Variants in STXBP5 observed in about 807,000 individuals in gnomAD.
STXBP5 encodes the protein syntaxin binding protein 5.
In STXBP5, 50 loss-of-function variants were observed where a neutral mutation model predicts 152.4. The observed-to-expected ratio is 0.33, with a 90% CI of 0.26 to 0.42. STXBP5 has a LOEUF of 0.42. Ranked by LOEUF, STXBP5 falls within the 10% of genes least tolerant of loss-of-function variation. The pLI, the probability that STXBP5 is intolerant of heterozygous loss-of-function variation, is 1.00. For synonymous variants in STXBP5, 492 were observed against 494.7 expected, an observed-to-expected ratio of 0.99 and a Z score of 0.07; for missense variants, 1,167 against 1,388.6, an observed-to-expected ratio of 0.84 and a Z score of 2.54.
At position 147,325,004 on chromosome 6, in the gene STXBP5, A is replaced by G; in HGVS notation, c.1848A>G (p.Glu616=). ...PLKQSPGYQT[E]LVIQLVWVGG... is the part of the protein sequence containing the mutation. ...AACAGTCTCCAGGTTATCAAACAGA[A>G]CTAGTTATTCAGTTGGTTTGGGTGG... The change falls in exon 17 of 28, where the codon GAA becomes GAG. Residue 616 remains glutamate, a synonymous_variant. Transcript: ENST00000321680. 1 of 1,599,240 alleles carries G rather than the reference A, an allele frequency of 6.3e-7. No homozygotes were observed. Among genetic ancestry groups the G allele is most frequent in the Non-Finnish European group, 8.5e-7 (1 of 1,171,016 alleles).
rs144038557 is a variant in STXBP5, at chr6:147,335,445, A to G, written c.2146+1223A>G. Among the ~76,000 whole-genome samples, 235 of 152,322 alleles carry G rather than the reference A, an allele frequency of 1.5e-3. 1 individual carries two copies. Among genetic ancestry groups the G allele is most frequent in the African/African-American group, 5.3e-3 (221 of 41,584 alleles). On this transcript the variant is annotated intron_variant, in intron 19 of 27. Coordinates refer to ENST00000321680, the MANE Select transcript of STXBP5 (RefSeq NM_001127715.4). ...TTAAGGATATAAGCCAGGGTGAACA[A>G]TTTGGACATGGAACATGTGATATAT...
At chr6:147,270,416 A>AT in intron 7 of STXBP5, among the ~76,000 whole-genome samples, 1 of 151,290 alleles carries the variant, frequency 6.6e-6, no homozygotes, top group East Asian at 1.9e-4. Flanking sequence ...AAAAAAAAAA[A>AT]TTACAGCAAA....
chr6:147,283,810 C>A (rs1165774510), intron 8 of STXBP5, among the ~76,000 whole-genome samples: 1 of 152,114 alleles, frequency 6.6e-6, no homozygotes, highest in Non-Finnish European at 1.5e-5. Flanking sequence ...TTCAGGGGTC[C>A]AAGTCCAGCC....
At chr6:147,231,653 A>T (rs1198853318) in intron 2 of STXBP5, among the ~76,000 whole-genome samples, 1 of 151,920 alleles carries the variant, frequency 6.6e-6, no homozygotes, top group Non-Finnish European at 1.5e-5. Context: ...TTAGAATAGT[A>T]AGTGAATATT....
At chr6:147,276,865 T>G (rs1178252869) in intron 7 of STXBP5, among the ~76,000 whole-genome samples, 1 of 152,136 alleles carries the variant, frequency 6.6e-6, no homozygotes, top group Non-Finnish European at 1.5e-5. Flanking sequence ...ACGTAATAAG[T>G]AAAGGAGCTC....
intron 2 of STXBP5, among the ~76,000 whole-genome samples, chr6:147,218,151 A>C (rs1026456624): frequency 7.2e-5 from 11 of 152,206 alleles, no homozygotes; most frequent in African/African-American, 2.7e-4. Context: ...AGCCTCCTCC[A>C]TTATCAGCAG....
Position 147,353,354 on chromosome 6 carries a change from T to C in STXBP5, c.2286T>C (p.Thr762=). The change falls in exon 22 of 28, where the codon ACT becomes ACC. Residue 762 remains threonine, a synonymous_variant. Transcript: ENST00000321680. The part of the protein sequence containing the change: ...AKMSRKLSLP[T]DLKPDLDVKD... ...TGTCAAGGAAGTTAAGCTTACCTAC[T>C]GACCTAAAGCCTGATTTAGGTAAGT... The C allele has an allele frequency of 6.3e-7, 1 of 1,585,276 alleles. No homozygotes were observed. Among genetic ancestry groups the C allele is most frequent in the Non-Finnish European group, 8.6e-7 (1 of 1,165,262 alleles).
chr6:147,239,051 C>A (rs1778411145), intron 3 of STXBP5, 119 bp from the exon 4 acceptor site: 3 of 830,062 alleles, frequency 3.6e-6, no homozygotes, highest in Admixed American at 5.7e-5. Flanking sequence ...TTTCTTAGAT[C>A]TAAATCTGTT....
chr6:147,384,796 A>G lies in STXBP5; in HGVS notation c.*41A>G. ...AAGTCCAACTTCAGCCAGAAGGAAA[A>G]AAGTTTTCCATTTTTATTACATTCT... On this transcript the variant is annotated 3_prime_UTR_variant, in exon 28 of 28. Coordinates refer to ENST00000321680, the MANE Select transcript of STXBP5 (RefSeq NM_001127715.4). The G allele has an allele frequency of 6.3e-7, 1 of 1,587,336 alleles. No individual in the cohort carries two copies. Among genetic ancestry groups the G allele is most frequent in the Non-Finnish European group, 8.6e-7 (1 of 1,165,502 alleles).
At chr6:147,219,799 GTTTTTTT>G (rs35444906) in intron 2 of STXBP5, among the ~76,000 whole-genome samples, 19 of 86,114 alleles carry the variant, frequency 2.2e-4, no homozygotes, top group Non-Finnish European at 4.2e-4. Context: ...CTAGAAGCTT[GTTTTTTT>G]TTTTTTTTTT....
intron 26 of STXBP5, among the ~76,000 whole-genome samples, chr6:147,380,791 G>A (rs1786049270): frequency 6.6e-6 from 1 of 152,100 alleles, no homozygotes; most frequent in African/African-American, 2.4e-5. Context: ...CTAGTGTCCA[G>A]AATATATTAA....
chr6:147,351,418 T>C (rs995045655), intron 21 of STXBP5, among the ~76,000 whole-genome samples: 1 of 152,216 alleles, frequency 6.6e-6, no homozygotes, highest in Non-Finnish European at 1.5e-5. Flanking sequence ...ATCATGCACA[T>C]TGTATAGATA....
At chr6:147,278,045 T>C in intron 7 of STXBP5, 36 bp from the exon 8 acceptor site, 1 of 1,564,864 alleles carries the variant, frequency 6.4e-7, no homozygotes, top group African/African-American at 1.4e-5. Context: ...ACTGTTTAAA[T>C]AGATTTTTTA....
At chr6:147,353,852 C>T (rs1784700771) in intron 22 of STXBP5, among the ~76,000 whole-genome samples, 2 of 152,016 alleles carry the variant, frequency 1.3e-5, no homozygotes, top group African/African-American at 2.4e-5. Flanking sequence ...ATATTTCTTC[C>T]ACAGCACTTT....
intron 11 of STXBP5, among the ~76,000 whole-genome samples, chr6:147,312,222 G>C (rs558580022): frequency 2.4e-3 from 361 of 152,050 alleles, no homozygotes; most frequent in African/African-American, 8.1e-3. Flanking sequence ...CCTATCCTCT[G>C]TTTACCAGAT....
intron 9 of STXBP5, among the ~76,000 whole-genome samples, chr6:147,307,984 C>G (rs971343490): frequency 6.6e-6 from 1 of 152,076 alleles, no homozygotes; most frequent in Non-Finnish European, 1.5e-5. Context: ...TATAATCTCT[C>G]TTCATTGTTC....
In STXBP5 at chr6:147,204,598, G is replaced by A; in HGVS notation, c.66G>A (p.Gln22=). 6.2e-7 allele frequency: 1 copy of A among 1,610,180 alleles called. No individual in the cohort carries two copies. Among genetic ancestry groups the A allele is most frequent in the Non-Finnish European group, 8.5e-7 (1 of 1,178,350 alleles). Residue 22 remains glutamine, a synonymous_variant, in exon 1 of 28, where the codon CAG becomes CAA. Transcript: ENST00000321680. This position sits in a 1 kb window ranked among gnomAD's most constrained non-coding sequence, Gnocchi z 4.3. ...CCGCCGGCTCGTCCTCGGCGTCGCA[G>A]CAGCAACAGCAGCAGCATCCGCCTG... ...GLTAGSSSAS[Q]QQQQQHPPGN...
chr6:147,242,053 T>A (rs950616895), intron 4 of STXBP5, among the ~76,000 whole-genome samples: 1 of 152,004 alleles, frequency 6.6e-6, no homozygotes. Flanking sequence ...TCACTCAGTG[T>A]GTGTTACTGT....
Position 147,385,653 on chromosome 6 carries a change from CTG to C in STXBP5, c.*902_*903del, listed in dbSNP as rs1330243908. 6.6e-6 allele frequency: 1 copy of C among 152,052 alleles called. No individual in the cohort carries two copies. The highest frequency in any genetic ancestry group is 6.6e-5 in the Admixed American group (1 of 15,248). The allele number at this position is 152,052 out of a possible 1,614,324, so 9.4% of individuals were successfully genotyped here. A position where few individuals can be genotyped will look rare whatever the true frequency, so the allele number is the denominator to read the frequency against. ...AAATTTGTAGAAATGTTGAAATTGG[CTG>C]TGTTTTAAATTTTGCTTGAATTTTT... On this transcript the variant is annotated 3_prime_UTR_variant, in exon 28 of 28. Coordinates refer to ENST00000321680, the MANE Select transcript of STXBP5 (RefSeq NM_001127715.4).
Sources: allele counts gnomAD v4.1 joint callset (sites outside exome capture counted in the v4.1 genomes callset), GRCh38; gene constraint gnomAD v4.1.1; non-coding constraint Gnocchi (gnomAD v3.1); transcripts MANE v1.5; gene names NCBI Gene and HGNC (gene_info 2026-07-23, HGNC 2026-07-21).